The following PIKFYVE variants were observed in gnomAD, a reference collection of about 807,000 sequenced individuals.
PIKFYVE encodes the protein phosphoinositide kinase, FYVE-type zinc finger containing.
Under a neutral mutation model 257.9 loss-of-function variants are expected in PIKFYVE, and 122 were observed. That is an observed-to-expected ratio of 0.47 (90% confidence interval 0.41 to 0.55). The LOEUF is 0.55. Among genes scored for constraint, PIKFYVE ranks in the 20% least tolerant of loss-of-function variants. PIKFYVE has a pLI of 0.00. For synonymous variants in PIKFYVE, 892 were observed against 868.9 expected (o/e 1.03, Z -0.47); for missense variants, 2,160 against 2,536.6 (o/e 0.85, Z 3.19).
At chr2:208,315,693 T>A (rs529559035) in intron 15 of PIKFYVE, among the ~76,000 whole-genome samples, 35 of 152,276 alleles carry the variant, frequency 2.3e-4, no homozygotes, top group Non-Finnish European at 3.8e-4. Context: ...GTGATCACTG[T>A]TTGGAGGAAA....
At chr2:208,305,352 T>A (rs1694194685) in intron 12 of PIKFYVE, 12 of 1,150,358 alleles carry the variant, frequency 1.0e-5, no homozygotes, top group Non-Finnish European at 1.2e-5. Flanking sequence ...TATTCTTTTC[T>A]CTTTCTTCAT....
chr2:208,286,545 G>A (rs1691598920), intron 6 of PIKFYVE, among the ~76,000 whole-genome samples: 1 of 152,008 alleles, frequency 6.6e-6, no homozygotes, highest in Non-Finnish European at 1.5e-5. Flanking sequence ...AAAATTATTA[G>A]TTATTATTTT....
At chr2:208,327,449 A>C (rs1697061175) in intron 20 of PIKFYVE, among the ~76,000 whole-genome samples, 1 of 152,218 alleles carries the variant, frequency 6.6e-6, no homozygotes, top group Non-Finnish European at 1.5e-5. Flanking sequence ...AAGGATGAGC[A>C]GGATCTCAAG....
intron 7 of PIKFYVE, among the ~76,000 whole-genome samples, chr2:208,294,728 G>A (rs1692747488): frequency 6.6e-6 from 1 of 152,138 alleles, no homozygotes; most frequent in South Asian, 2.1e-4. Flanking sequence ...AGGGGCTGTG[G>A]TTGGGGATTT....
chr2:208,288,949 T>A, intron 7 of PIKFYVE, 131 bp downstream of exon 7: 2 of 1,187,570 alleles, frequency 1.7e-6, no homozygotes, highest in Non-Finnish European at 2.4e-6. Flanking sequence ...TGAATTAAAC[T>A]ATCATTTTCT....
chr2:208,318,228 CCTGTTACGT>C (rs1246453498), intron 16 of PIKFYVE, among the ~76,000 whole-genome samples: 1 of 152,168 alleles, frequency 6.6e-6, no homozygotes, highest in Non-Finnish European at 1.5e-5. Context: ...ATCTCCTGAT[CCTGTTACGT>C]CTTAGGGAGA....
At chr2:208,323,249 A>G (rs1224097777) in intron 17 of PIKFYVE, among the ~76,000 whole-genome samples, 1 of 138,906 alleles carries the variant, frequency 7.2e-6, no homozygotes, top group African/African-American at 2.7e-5. Context: ...TCCTAATGCT[A>G]TTCCTCCCCC....
At chr2:208,295,899 A>C (rs1692913052) in intron 7 of PIKFYVE, among the ~76,000 whole-genome samples, 1 of 152,176 alleles carries the variant, frequency 6.6e-6, no homozygotes, top group African/African-American at 2.4e-5. Flanking sequence ...ATGTTTGCAA[A>C]ATGGTGATTT....
Position 208,338,569 on chromosome 2 carries a change from G to T in PIKFYVE, c.4672+1G>T. 6.2e-7 allele frequency: 1 copy of T among 1,612,456 alleles called. No homozygotes were observed. The highest frequency in any genetic ancestry group is 1.1e-5 in the South Asian group (1 of 91,046). On this transcript the variant is annotated splice_donor_variant, in intron 29 of 41. Coordinates refer to ENST00000264380, the MANE Select transcript of PIKFYVE (RefSeq NM_015040.4). LOFTEE classifies it high-confidence loss of function. ...CCAGGACTTCAGAATGGAGAAAAAGGTTGGTTCTTGAGTCTGGTGATCACT... is the reference window on the plus strand; with the variant it reads ...CCAGGACTTCAGAATGGAGAAAAAGTTTGGTTCTTGAGTCTGGTGATCACT...
At chr2:208,277,033 G>A (rs912754474) in intron 4 of PIKFYVE, among the ~76,000 whole-genome samples, 17 of 152,082 alleles carry the variant, frequency 1.1e-4, no homozygotes, top group South Asian at 4.2e-4. Context: ...AGTGCTTTTC[G>A]CGTTCTGTTT....
At chr2:208,314,471 C>T in intron 14 of PIKFYVE, 48 bp downstream of exon 14, 2 of 1,562,782 alleles carry the variant, frequency 1.3e-6, no homozygotes, top group Admixed American at 1.8e-5. Flanking sequence ...TTATTATCTT[C>T]AGTGACTTGA....
At position 208,354,630 on chromosome 2, in the gene PIKFYVE, AT is replaced by A. The variant is rs1159671271; in HGVS notation, c.6170del (p.Leu2057Ter). On this transcript the variant is annotated frameshift_variant, in exon 41 of 42. Transcript: ENST00000264380. LOFTEE classifies it high-confidence loss of function. ...KLEMVVKSTG[I>X]LGGQGKMPTV... ...TGAGATGGTTGTGAAATCAACAGGA[AT>A]TTTAGGTGGACAAGGTGAGAATTTT... 1 of 1,612,748 alleles carries A rather than the reference AT, an allele frequency of 6.2e-7. No individual in the cohort carries two copies. The highest frequency in any genetic ancestry group is 8.5e-7 in the Non-Finnish European group (1 of 1,178,842).
intron 32 of PIKFYVE, among the ~76,000 whole-genome samples, chr2:208,344,807 T>C (rs1421355394): frequency 6.6e-6 from 1 of 152,164 alleles, no homozygotes; most frequent in East Asian, 1.9e-4. Flanking sequence ...TTCAAACTTT[T>C]ACCTGTTCAA....
At chr2:208,342,794 C>CTTTTTTTTTTT in intron 32 of PIKFYVE, 145 bp downstream of exon 32, 1 of 339,818 alleles carries the variant, frequency 2.9e-6, no homozygotes, top group Non-Finnish European at 5.3e-6. Context: ...ATAGCTTGTT[C>CTTTTTTTTTTT]TTTTTTTTTT....
chr2:208,325,194 A>T, intron 19 of PIKFYVE, 76 bp from the exon 20 acceptor site: 1 of 1,558,686 alleles, frequency 6.4e-7, no homozygotes, highest in Non-Finnish European at 8.8e-7. Context: ...AGATATTAAG[A>T]GAGTGAATTA....
At chr2:208,282,979 G>A (rs565567566) in intron 5 of PIKFYVE, among the ~76,000 whole-genome samples, 5 of 152,270 alleles carry the variant, frequency 3.3e-5, no homozygotes, top group African/African-American at 1.2e-4. Flanking sequence ...TGCCACCGCT[G>A]ATCTGACAGG....
Position 208,306,789 on chromosome 2 carries a change from T to TC in PIKFYVE, c.1636+1776_1636+1777insC, listed in dbSNP as rs1553514109. ...CTGATTTCAATCCTTTTTTTTTTTT[T>TC]TTCTAAGAGACAGGGTCTGACTCTG... On this transcript the variant is annotated intron_variant, in intron 12 of 41. Transcript: ENST00000264380. Among the ~76,000 whole-genome samples the TC allele has an allele frequency of 1.2e-3, 179 of 145,556 alleles. 2 individuals carry two copies. Among genetic ancestry groups the TC allele is most frequent in the African/African-American group, 4.2e-3 (166 of 39,712 alleles).
rs4675744 is a variant in PIKFYVE at position 208,273,573 on chromosome 2, C to T, written c.173-11C>T. 2.6e-3 allele frequency: 4,213 copies of T among 1,614,098 alleles called. 204 individuals are homozygous for T. In the Admixed American group the frequency reaches 0.068, roughly 26 times the overall value. ...AGTCTTTAAATAATGCCAAGCGTTC[C>T]CTTGCTACAGAGAGAGCAGAAGGAG... On this transcript the variant is annotated splice_polypyrimidine_tract_variant and intron_variant, in intron 2 of 41. Coordinates refer to ENST00000264380, the MANE Select transcript of PIKFYVE (RefSeq NM_015040.4).
chr2:208,298,509 C>T lies in PIKFYVE; in HGVS notation c.912-132C>T, dbSNP rs1693272826. ...TCCCAATGATAATATCATGCATAACCATCATAAGTACTTTTAAAAGTACCC... is the reference window on the plus strand; with the variant it reads ...TCCCAATGATAATATCATGCATAACTATCATAAGTACTTTTAAAAGTACCC... On this transcript the variant is annotated intron_variant, in intron 7 of 41. Coordinates refer to ENST00000264380, the MANE Select transcript of PIKFYVE (RefSeq NM_015040.4). The T allele has an allele frequency of 4.5e-6, 5 of 1,119,734 alleles. No homozygotes were observed. The Admixed American group carries it at 6.0e-5, about 14-fold the overall frequency. The allele number at this position is 1,119,734 out of a possible 1,614,324, so 69.4% of individuals were successfully genotyped here. A position where few individuals can be genotyped will look rare whatever the true frequency, so the allele number is the denominator to read the frequency against.
Sources: gnomAD v4.1 joint callset for allele counts (sites outside exome capture counted in the v4.1 genomes callset) on GRCh38, gnomAD v4.1.1 for gene constraint, MANE v1.5 for transcripts, NCBI Gene and HGNC (gene_info 2026-07-23, HGNC 2026-07-21) for gene names.